The following NCAM2 variants were observed in gnomAD, a reference collection of about 807,000 sequenced individuals.
The protein encoded by NCAM2 is N-CAM-2.
A neutral mutation model predicts 98.1 loss-of-function variants in NCAM2; 30 were observed. The ratio of observed to expected loss-of-function variants is 0.31; its 90% CI spans 0.23 to 0.41. The LOEUF (loss-of-function observed/expected upper bound fraction) is 0.41, where lower values mean the gene tolerates loss of function less well. Ranked by LOEUF, NCAM2 falls within the 10% of genes least tolerant of loss-of-function variation. The probability of loss-of-function intolerance (pLI) is 1.00; values close to 1 mark genes in which losing one functional copy is unlikely to be tolerated. For missense variants in NCAM2, 867 were observed against 1,005.8 expected (o/e 0.86, Z 1.87); for synonymous variants, 368 against 342.4 (o/e 1.07, Z -0.83).
chr21:21,244,974 C>T (rs536484752), intron 1 of NCAM2, among the ~76,000 whole-genome samples: 246 of 151,990 alleles, frequency 1.6e-3, no homozygotes, highest in African/African-American at 5.7e-3. Flanking sequence ...ACCAGAAGTC[C>T]GAATTCTTCA....
chr21:21,411,037 C>CACATATAT lies in NCAM2; in HGVS notation c.1383+577_1383+578insCATATATA, dbSNP rs1555889821. ...AAAAATATATATATATATATACACACATATATATATGTGTGTGTATATATA... is the reference window on the plus strand; with the variant it reads ...AAAAATATATATATATATATACACACACATATATATATATATATGTGTGTGTATATATA... On this transcript the variant is annotated intron_variant, in intron 10 of 17. Transcript: ENST00000400546. Among the ~76,000 whole-genome samples, 64 of 53,308 alleles carry CACATATAT rather than the reference C, an allele frequency of 1.2e-3. 3 individuals are homozygous for CACATATAT. Among genetic ancestry groups the CACATATAT allele is most frequent in the African/African-American group, 5.0e-3 (63 of 12,574 alleles). 35.0% of individuals were successfully genotyped at this position (53,308 alleles called of 152,430 possible). A position where few individuals can be genotyped will look rare whatever the true frequency, so the allele number is the denominator to read the frequency against.
chr21:21,198,375 A>G (rs1428151132), intron 1 of NCAM2, among the ~76,000 whole-genome samples: 2 of 152,136 alleles, frequency 1.3e-5, no homozygotes, highest in African/African-American at 4.8e-5. Context: ...ACAGTGGATG[A>G]AAATGTTCTT....
At chr21:21,154,128 C>T (rs540529056) in intron 1 of NCAM2, among the ~76,000 whole-genome samples, 11 of 151,538 alleles carry the variant, frequency 7.3e-5, no homozygotes, top group African/African-American at 1.7e-4. Flanking sequence ...TGGGTTTCCA[C>T]GATATATGGG....
At chr21:21,068,420 C>T (rs1345251991) in intron 1 of NCAM2, among the ~76,000 whole-genome samples, 1 of 151,088 alleles carries the variant, frequency 6.6e-6, no homozygotes, top group African/African-American at 2.4e-5. Context: ...AGGCCTGAGC[C>T]ACCACACAAC....
intron 12 of NCAM2, among the ~76,000 whole-genome samples, chr21:21,435,001 G>T (rs1472646424): frequency 6.6e-6 from 1 of 152,150 alleles, no homozygotes; most frequent in Admixed American, 6.5e-5. Context: ...AAGCACACCA[G>T]AAGGAGATAG....
intron 1 of NCAM2, among the ~76,000 whole-genome samples, chr21:21,192,627 A>C (rs1360899870): frequency 6.6e-6 from 1 of 152,190 alleles, no homozygotes; most frequent in Admixed American, 6.5e-5. Context: ...GAAATGAGGA[A>C]TAAAGGGAGA....
chr21:21,278,079 G>C (rs2072793661), intron 1 of NCAM2, among the ~76,000 whole-genome samples: 1 of 151,992 alleles, frequency 6.6e-6, no homozygotes. Flanking sequence ...AGAAAGTACA[G>C]TTTTAGGGGA....
chr21:21,326,083 G>A (rs1175236891), intron 6 of NCAM2, among the ~76,000 whole-genome samples: 1 of 152,128 alleles, frequency 6.6e-6, no homozygotes, highest in East Asian at 1.9e-4. Context: ...GCATTCAAGA[G>A]GAAGAAAGGA....
chr21:21,204,617 CACAG>C (rs2069365115), intron 1 of NCAM2, among the ~76,000 whole-genome samples: 1 of 152,120 alleles, frequency 6.6e-6, no homozygotes, highest in Non-Finnish European at 1.5e-5. Context: ...TTCAGATTAA[CACAG>C]ATCCCTTAGT....
chr21:21,221,203 C>A (rs906775775), intron 1 of NCAM2, among the ~76,000 whole-genome samples: 2 of 152,150 alleles, frequency 1.3e-5, no homozygotes, highest in Admixed American at 6.6e-5. Context: ...GCCAGTCCCT[C>A]ATTTTTCTCC....
At chr21:21,286,224 TTTTGTGA>T (rs57884870) in intron 3 of NCAM2, 38 bp from the exon 4 acceptor site, 1,194,802 of 1,518,092 alleles carry the variant, frequency 0.79, 472,259 homozygotes, top group South Asian at 0.85. Flanking sequence ...GCAATGATAC[TTTTGTGA>T]TTTGTGATTT....
At chr21:21,057,478 GT>G (rs1172850842) in intron 1 of NCAM2, among the ~76,000 whole-genome samples, 9 of 152,192 alleles carry the variant, frequency 5.9e-5, no homozygotes, top group African/African-American at 1.9e-4. Context: ...CTTCAGAGAG[GT>G]AACTCATACT....
At chr21:21,499,287 G>A (rs1987464547) in intron 15 of NCAM2, among the ~76,000 whole-genome samples, 1 of 152,138 alleles carries the variant, frequency 6.6e-6, no homozygotes, top group Admixed American at 6.5e-5. Context: ...CTCGCTCCAG[G>A]CTGGAGTGCA....
At chr21:21,418,351 T>C (rs1478411634) in intron 10 of NCAM2, 122 bp from the exon 11 acceptor site, 35 of 675,998 alleles carry the variant, frequency 5.2e-5, no homozygotes, top group Non-Finnish European at 1.6e-5. Context: ...AAATTAAAAA[T>C]ATATGGTAAG....
intron 9 of NCAM2, among the ~76,000 whole-genome samples, chr21:21,393,819 A>G (rs2076435651): frequency 6.6e-6 from 1 of 152,196 alleles, no homozygotes; most frequent in Non-Finnish European, 1.5e-5. Flanking sequence ...AACATAACCA[A>G]TAGAAGACAA....
chr21:21,260,541 G>A (rs1489687149), intron 1 of NCAM2, among the ~76,000 whole-genome samples: 1 of 140,900 alleles, frequency 7.1e-6, no homozygotes, highest in East Asian at 2.1e-4. Flanking sequence ...AGAGACTGGG[G>A]GCTTCTTTTT....
chr21:21,183,278 A>G (rs2068537182), intron 1 of NCAM2, among the ~76,000 whole-genome samples: 1 of 152,172 alleles, frequency 6.6e-6, no homozygotes, highest in South Asian at 2.1e-4. Context: ...ATACATTATG[A>G]GGCCAGAATT....
chr21:21,215,668 C>T (rs1424267631), intron 1 of NCAM2, among the ~76,000 whole-genome samples: 1 of 152,098 alleles, frequency 6.6e-6, no homozygotes, highest in Non-Finnish European at 1.5e-5. Context: ...GCAAAGATTG[C>T]AGTGAGCCAA....
chr21:21,459,973 G>T (rs556941117), intron 12 of NCAM2, among the ~76,000 whole-genome samples: 53 of 151,926 alleles, frequency 3.5e-4, no homozygotes, highest in African/African-American at 1.2e-3. Flanking sequence ...GTAAATATGA[G>T]AATTGGTAGA....
Sources: allele counts gnomAD v4.1 joint callset (sites outside exome capture counted in the v4.1 genomes callset), GRCh38; gene constraint gnomAD v4.1.1; transcripts MANE v1.5; gene names NCBI Gene and HGNC (gene_info 2026-07-23, HGNC 2026-07-21).